The following CHODL variants were observed in gnomAD, a reference collection of about 807,000 sequenced individuals.
CHODL encodes chondrolectin.
A neutral mutation model predicts 34.5 loss-of-function variants in CHODL; 29 were observed. That is an observed-to-expected ratio of 0.84 (90% CI 0.63 to 1.15). The LOEUF is 1.15. Ranked by LOEUF, CHODL falls within the 50% of genes most tolerant of loss-of-function variation. The pLI is 0.00. For missense variants in CHODL, 332 were observed against 332.5 expected (o/e 1.00, Z 0.01); for synonymous variants, 125 against 116.1 (o/e 1.08, Z -0.49).
chr21:18,252,339 G>T (rs2074267462), intron 1 of CHODL, among the ~76,000 whole-genome samples: 1 of 152,110 alleles, frequency 6.6e-6, no homozygotes, highest in Non-Finnish European at 1.5e-5. Flanking sequence ...AATTCTCCAC[G>T]TTATCTCACA....
chr21:18,157,575 A>G (rs144227031), intron 2 of CHODL, among the ~76,000 whole-genome samples: 107 of 152,360 alleles, frequency 7.0e-4, no homozygotes, highest in African/African-American at 2.4e-3. Context: ...TGGCCTAACC[A>G]TAATGCCTTT....
intron 2 of CHODL, among the ~76,000 whole-genome samples, chr21:18,062,375 A>AT (rs71189579): frequency 0.46 from 69,206 of 151,668 alleles, 16,564 homozygotes; most frequent in Middle Eastern, 0.53. Flanking sequence ...CAGCCAGCTA[A>AT]TTTTTTTATT....
At chr21:17,926,818 G>A (rs1314672030) in intron 1 of CHODL, among the ~76,000 whole-genome samples, 1 of 152,048 alleles carries the variant, frequency 6.6e-6, no homozygotes, top group African/African-American at 2.4e-5. Context: ...TGGGAATCAG[G>A]ATTAAGACTT....
chr21:17,945,235 C>T (rs914320348), intron 1 of CHODL, among the ~76,000 whole-genome samples: 1 of 145,552 alleles, frequency 6.9e-6, no homozygotes, highest in African/African-American at 2.5e-5. Flanking sequence ...ATTACTAAAG[C>T]TCCAATAATG....
chr21:18,081,115 C>T (rs896297456), intron 2 of CHODL, among the ~76,000 whole-genome samples: 1 of 151,852 alleles, frequency 6.6e-6, no homozygotes, highest in Non-Finnish European at 1.5e-5. Context: ...ATGGAATTGC[C>T]TTCGGATTTT....
At chr21:18,035,910 G>T (rs1004506530) in intron 2 of CHODL, among the ~76,000 whole-genome samples, 2 of 151,826 alleles carry the variant, frequency 1.3e-5, no homozygotes, top group South Asian at 2.1e-4. Context: ...TGTCATTTTT[G>T]ATCTGTTTCT....
At chr21:18,198,975 C>T (rs73316228) in intron 2 of CHODL, among the ~76,000 whole-genome samples, 2 of 152,000 alleles carry the variant, frequency 1.3e-5, no homozygotes, top group South Asian at 2.1e-4. Context: ...ACTTTTCAGT[C>T]CCTGTCTACT....
intron 2 of CHODL, among the ~76,000 whole-genome samples, chr21:18,117,793 T>G (rs1388046261): frequency 1.3e-5 from 2 of 152,042 alleles, no homozygotes; most frequent in Non-Finnish European, 2.9e-5. Context: ...ATTTTAAAAT[T>G]GAATTGAATT....
At position 17,918,410 on chromosome 21, in the gene CHODL, G is replaced by A. The variant is rs1392205169; in HGVS notation, c.-145+1010G>A. ...ACAGTTTCACATGGCGGGGGGTTGAGGGGCTCACAATCATGGTGGAAGGCA... is the reference window on the plus strand; with the variant it reads ...ACAGTTTCACATGGCGGGGGGTTGAAGGGCTCACAATCATGGTGGAAGGCA... On this transcript the variant is annotated intron_variant, in intron 1 of 6. Transcript: ENST00000400127. 3.3e-5 allele frequency among the ~76,000 whole-genome samples: 5 copies of A among 152,096 alleles called. No homozygotes were observed. In the East Asian group the frequency reaches 9.6e-4, roughly 29 times the overall value.
At chr21:18,079,063 G>T (rs1243632409) in intron 2 of CHODL, among the ~76,000 whole-genome samples, 1 of 152,046 alleles carries the variant, frequency 6.6e-6, no homozygotes, top group Non-Finnish European at 1.5e-5. Flanking sequence ...TGGGCTTTTA[G>T]TATACCCATC....
upstream of CHODL, among the ~76,000 whole-genome samples, chr21:18,241,500 G>A (rs775003327): frequency 1.3e-4 from 20 of 152,134 alleles, no homozygotes; most frequent in Non-Finnish European, 2.1e-4. Flanking sequence ...AATCTCCTTT[G>A]AAGATCCTAT....
At chr21:18,177,930 T>G (rs1167817127) in intron 2 of CHODL, among the ~76,000 whole-genome samples, 1 of 152,160 alleles carries the variant, frequency 6.6e-6, no homozygotes, top group African/African-American at 2.4e-5. Context: ...AGCTATTTAC[T>G]TGGTCCAAAT....
chr21:18,142,870 A>G (rs1206958290), intron 2 of CHODL, among the ~76,000 whole-genome samples: 1 of 152,150 alleles, frequency 6.6e-6, no homozygotes, highest in Admixed American at 6.5e-5. Flanking sequence ...TCTACTTTGC[A>G]TTTGATGGTT....
At chr21:18,099,802 A>G in intron 2 of CHODL, 1 of 152,156 alleles carries the variant, frequency 6.6e-6, no homozygotes, top group South Asian at 2.1e-4. Flanking sequence ...GCGCTTAAAT[A>G]AAGTGGGTGG....
intron 1 of CHODL, among the ~76,000 whole-genome samples, chr21:17,957,450 TCTC>T (rs2063501326): frequency 6.6e-6 from 1 of 152,134 alleles, no homozygotes; most frequent in African/African-American, 2.4e-5. Flanking sequence ...TCACCTCTAT[TCTC>T]CTCCATGTTT....
chr21:18,133,800 G>A (rs2072687041), intron 2 of CHODL, among the ~76,000 whole-genome samples: 1 of 152,124 alleles, frequency 6.6e-6, no homozygotes. Flanking sequence ...TTATGAACAT[G>A]AAGCTCACAC....
chr21:18,156,768 G>T (rs2073039616), intron 2 of CHODL, among the ~76,000 whole-genome samples: 1 of 152,152 alleles, frequency 6.6e-6, no homozygotes, highest in Admixed American at 6.5e-5. Flanking sequence ...TGCTTCTGTG[G>T]GTCAGGAGTT....
At chr21:18,180,701 C>G (rs1053765384) in intron 2 of CHODL, among the ~76,000 whole-genome samples, 1 of 152,158 alleles carries the variant, frequency 6.6e-6, no homozygotes, top group Admixed American at 6.5e-5. Context: ...AAATTCTAAA[C>G]GTGTGATCAA....
chr21:18,095,141 A>G (rs2065124217), intron 2 of CHODL, among the ~76,000 whole-genome samples: 1 of 151,946 alleles, frequency 6.6e-6, no homozygotes, highest in South Asian at 2.1e-4. Context: ...AAAAAGAAGG[A>G]AAGAAAAATA....
Sources: allele counts gnomAD v4.1 joint callset (sites outside exome capture counted in the v4.1 genomes callset), GRCh38; gene constraint gnomAD v4.1.1; transcripts MANE v1.5; gene names NCBI Gene and HGNC (gene_info 2026-07-23, HGNC 2026-07-21).